ATF7: variants seen among roughly 807,000 people sequenced by gnomAD.
ATF7 encodes cyclic AMP-dependent transcription factor ATF-7.
A neutral mutation model predicts 50.4 loss-of-function variants in ATF7; 10 were observed. The ratio of observed to expected loss-of-function variants is 0.20; its 90% CI spans 0.12 to 0.34. ATF7 has a LOEUF of 0.34. ATF7 is among the 10% of genes least tolerant of loss of function. ATF7 has a pLI of 1.00. For synonymous variants in ATF7, 201 were observed against 226.4 expected (o/e 0.89, Z 1.01); for missense variants, 465 against 613.9 (o/e 0.76, Z 2.56).
chr12:53,577,863 GACAA>G (rs760219610), intron 2 of ATF7, among the ~76,000 whole-genome samples: 60 of 151,810 alleles, frequency 4.0e-4, no homozygotes, highest in East Asian at 1.2e-3. Flanking sequence ...CAGGCTAAAT[GACAA>G]ACAAACAAAC....
intron 2 of ATF7, among the ~76,000 whole-genome samples, chr12:53,555,834 A>G (rs1940715845): frequency 7.0e-6 from 1 of 143,584 alleles, no homozygotes; most frequent in South Asian, 2.2e-4. Flanking sequence ...TTTGTTTTTG[A>G]GACAGAGTTT....
At chr12:53,562,717 T>A (rs1941209738) in intron 2 of ATF7, among the ~76,000 whole-genome samples, 1 of 152,098 alleles carries the variant, frequency 6.6e-6, no homozygotes, top group Admixed American at 6.6e-5. Flanking sequence ...AGAGTTGGTA[T>A]CTATCTTAAA....
At chr12:53,609,939 C>T (rs1284544846) in intron 1 of ATF7, among the ~76,000 whole-genome samples, 1 of 149,360 alleles carries the variant, frequency 6.7e-6, no homozygotes, top group African/African-American at 2.5e-5. Context: ...GCCTCAGCCT[C>T]TTGAGTAGCT....
At chr12:53,543,218 A>C in intron 4 of ATF7, 112 bp downstream of exon 4, 1 of 1,550,092 alleles carries the variant, frequency 6.5e-7, no homozygotes, top group Non-Finnish European at 8.7e-7. Context: ...GTTTTACTCT[A>C]CTAAGCCCAT....
At chr12:53,546,610 G>A (rs1242749165) in intron 3 of ATF7, among the ~76,000 whole-genome samples, 3 of 150,836 alleles carry the variant, frequency 2.0e-5, no homozygotes, top group Admixed American at 1.3e-4. Context: ...CACCATGCCC[G>A]GCTAATTTTT....
At chr12:53,537,681 G>T in intron 4 of ATF7, 129 bp from the exon 5 acceptor site, 1 of 1,058,692 alleles carries the variant, frequency 9.4e-7, no homozygotes, top group Non-Finnish European at 1.3e-6. Flanking sequence ...GCACTGAACT[G>T]CATGTCAAAT....
At chr12:53,596,643 G>A (rs1033423438) in intron 2 of ATF7, among the ~76,000 whole-genome samples, 6 of 152,134 alleles carry the variant, frequency 3.9e-5, no homozygotes, top group African/African-American at 4.8e-5. Context: ...ATCTAACTGC[G>A]TTTATATGAA....
chr12:53,523,283 G>T lies in ATF7; in HGVS notation c.1227C>A (p.Gly409=). ...PVTALQKKTQ[G]YLESPKESSE... is the part of the protein sequence containing the mutation. Reference sequence around the variant, plus strand: ...AGGTTGTGTGCCACTCACCTAAATAGCCTTGAGTCTTTTTCTGTAGTGCAG... The same window carrying T: ...AGGTTGTGTGCCACTCACCTAAATATCCTTGAGTCTTTTTCTGTAGTGCAG... Residue 409 remains glycine, a synonymous_variant, in exon 11 of 12, where the codon GGC becomes GGA. Transcript: ENST00000420353. 1 of 1,610,658 alleles carries T rather than the reference G, an allele frequency of 6.2e-7. No homozygotes were observed. Among genetic ancestry groups the T allele is most frequent in the Non-Finnish European group, 8.5e-7 (1 of 1,177,048 alleles).
In ATF7 at chr12:53,552,525, T is replaced by C; in HGVS notation, c.145+16A>G. 1 of 1,606,338 alleles carries C rather than the reference T, an allele frequency of 6.2e-7. No homozygotes were observed. The highest frequency in any genetic ancestry group is 1.7e-5 in the Admixed American group (1 of 59,944). Reference sequence around the variant, plus strand: ...CTGGTGGTATCAAGGCACGTGGCTTTTGGGGCAGCAAATACCTGCAATGAT... The same window carrying C: ...CTGGTGGTATCAAGGCACGTGGCTTCTGGGGCAGCAAATACCTGCAATGAT... On this transcript the variant is annotated intron_variant, in intron 3 of 11. Coordinates refer to ENST00000420353, the MANE Select transcript of ATF7 (RefSeq NM_006856.3).
chr12:53,510,335 G>A (rs1051237201), downstream of ATF7, among the ~76,000 whole-genome samples: 2 of 152,176 alleles, frequency 1.3e-5, no homozygotes, highest in Non-Finnish European at 2.9e-5. Context: ...CATTGCACCC[G>A]GCCAGTTTAC....
At chr12:53,563,579 C>T (rs1428741484) in intron 2 of ATF7, among the ~76,000 whole-genome samples, 3 of 152,136 alleles carry the variant, frequency 2.0e-5, no homozygotes, top group Non-Finnish European at 2.9e-5. Context: ...ATTGTGCCAT[C>T]GCACTCCAGC....
intron 2 of ATF7, among the ~76,000 whole-genome samples, chr12:53,565,488 G>A (rs955910778): frequency 6.7e-6 from 1 of 149,288 alleles, no homozygotes; most frequent in Non-Finnish European, 1.5e-5. Context: ...TTTTCTGGGC[G>A]GGGGCGGGGG....
chr12:53,578,492 G>A (rs1942221631), intron 2 of ATF7, among the ~76,000 whole-genome samples: 1 of 151,628 alleles, frequency 6.6e-6, no homozygotes, highest in Non-Finnish European at 1.5e-5. Flanking sequence ...TTAGAGAGAA[G>A]GAAAATGAGC....
intron 1 of ATF7, among the ~76,000 whole-genome samples, chr12:53,608,534 G>C (rs985200076): frequency 2.4e-4 from 37 of 152,174 alleles, no homozygotes; most frequent in African/African-American, 8.9e-4. Flanking sequence ...CAACAATTAT[G>C]CTTATATCAG....
chr12:53,542,572 A>G (rs963428146), intron 4 of ATF7, among the ~76,000 whole-genome samples: 2 of 152,306 alleles, frequency 1.3e-5, no homozygotes, highest in African/African-American at 4.8e-5. Context: ...GACTACAGGC[A>G]TGCACCACCA....
At chr12:53,546,770 T>G (rs1444746817) in intron 3 of ATF7, among the ~76,000 whole-genome samples, 2 of 151,172 alleles carry the variant, frequency 1.3e-5, no homozygotes, top group South Asian at 2.1e-4. Flanking sequence ...TTTTTTTTCT[T>G]TTTTTGAGAC....
At chr12:53,563,666 A>AT (rs1170896029) in intron 2 of ATF7, among the ~76,000 whole-genome samples, 1 of 152,222 alleles carries the variant, frequency 6.6e-6, no homozygotes, top group Non-Finnish European at 1.5e-5. Context: ...TCTCACACTT[A>AT]TTTTTTATCC....
chr12:53,594,016 C>T (rs1943052147), intron 2 of ATF7, among the ~76,000 whole-genome samples: 1 of 152,170 alleles, frequency 6.6e-6, no homozygotes, highest in Non-Finnish European at 1.5e-5. Context: ...CTGCTGCATT[C>T]GCTGGAAGAC....
At chr12:53,587,843 A>ATATATTTTTT in intron 2 of ATF7, among the ~76,000 whole-genome samples, 49 of 61,564 alleles carry the variant, frequency 8.0e-4, no homozygotes, top group African/African-American at 2.0e-3. Flanking sequence ...ATATATATAT[A>ATATATTTTTT]TTTTTTTTTT....
Sources: allele counts gnomAD v4.1 joint callset (sites outside exome capture counted in the v4.1 genomes callset), GRCh38; gene constraint gnomAD v4.1.1; transcripts MANE v1.5; gene names NCBI Gene and HGNC (gene_info 2026-07-23, HGNC 2026-07-21).